ITGB3BP: variants seen among roughly 807,000 people sequenced by gnomAD.
ITGB3BP encodes centromere protein R.
ITGB3BP carries 27 observed loss-of-function variants against 29.1 expected under a neutral mutation model. The observed-to-expected ratio is 0.93, with a 90% confidence interval of 0.68 to 1.28. The LOEUF (loss-of-function observed/expected upper bound fraction) is 1.28, where lower values mean the gene tolerates loss of function less well. ITGB3BP is among the 50% of genes most tolerant of loss of function. The pLI, the probability that ITGB3BP is intolerant of heterozygous loss-of-function variation, is 0.00. For synonymous variants in ITGB3BP, 61 were observed against 61.4 expected, an observed-to-expected ratio of 0.99 and a Z score of 0.03; for missense variants, 192 against 200.2, an observed-to-expected ratio of 0.96 and a Z score of 0.25.
Position 63,490,157 on chromosome 1 carries a change from C to G in ITGB3BP, c.110G>C (p.Gly37Ala), listed in dbSNP as rs1645615774. 1.2e-6 allele frequency: 2 copies of G among 1,603,248 alleles called. No homozygotes were observed. Among genetic ancestry groups the G allele is most frequent in the African/African-American group, 2.7e-5 (2 of 74,724 alleles). ...KSVITYSPTTGTCQMSLFASP... is the reference protein window; with the variant it reads ...KSVITYSPTTATCQMSLFASP... Reference sequence around the variant, plus strand: ...AGCAAATAGACTCATTTGACAAGTTCCAGTTGTTGGAGAATAAGTTATAAC... The same window carrying G: ...AGCAAATAGACTCATTTGACAAGTTGCAGTTGTTGGAGAATAAGTTATAAC... The change falls in exon 3 of 9, where the codon GGA becomes GCA. Residue 37 changes from glycine to alanine, a missense_variant. Physicochemically the swap from Gly to Ala is moderately conservative, Grantham distance 60. Coordinates refer to ENST00000271002, the MANE Select transcript of ITGB3BP (RefSeq NM_014288.5).
At chr1:63,478,112 G>C (rs1227109860) in intron 4 of ITGB3BP, among the ~76,000 whole-genome samples, 2 of 152,054 alleles carry the variant, frequency 1.3e-5, no homozygotes. Flanking sequence ...TACTATATTG[G>C]TTTAGGAAAT....
chr1:63,462,945 T>C (rs1260128166), intron 4 of ITGB3BP, among the ~76,000 whole-genome samples: 3 of 152,182 alleles, frequency 2.0e-5, no homozygotes, highest in African/African-American at 7.2e-5. Flanking sequence ...TAAGAGAGAA[T>C]GAGCTAGTGA....
intron 4 of ITGB3BP, among the ~76,000 whole-genome samples, chr1:63,458,530 AT>A (rs1644967278): frequency 1.3e-5 from 2 of 152,070 alleles, no homozygotes; most frequent in South Asian, 2.1e-4. Context: ...GAACCCAGTG[AT>A]TTATAGATTC....
Position 63,496,218 on chromosome 1 carries a change from G to C in ITGB3BP, c.49-6000C>G, listed in dbSNP as rs149188936. On this transcript the variant is annotated intron_variant, in intron 2 of 8. Coordinates refer to ENST00000271002, the MANE Select transcript of ITGB3BP (RefSeq NM_014288.5). ...AGTGACCCTCCCACCTTAGCCTCCT[G>C]AGTAATTGGGACGACAGGTGCGCAC... Among the ~76,000 whole-genome samples, 1,183 of 151,860 alleles carry C rather than the reference G, an allele frequency of 7.8e-3. 13 individuals are homozygous for C. Among genetic ancestry groups the C allele is most frequent in the African/African-American group, 0.026 (1,070 of 41,390 alleles).
rs1292062124 is a variant in ITGB3BP, at chr1:63,452,991, AG to A, written c.484+926del. On this transcript the variant is annotated intron_variant, in intron 7 of 8. Coordinates refer to ENST00000271002, the MANE Select transcript of ITGB3BP (RefSeq NM_014288.5). ...ATGATTGGATGATTTCATTTGTTTT[AG>A]GAAGAGATAACACAGAATAATGAAA... 2.6e-5 allele frequency among the ~76,000 whole-genome samples: 4 copies of A among 152,208 alleles called. No homozygotes were observed. The East Asian group carries it at 7.7e-4, about 29-fold the overall frequency.
chr1:63,497,926 C>CCT (rs10639330), intron 2 of ITGB3BP, among the ~76,000 whole-genome samples: 143,114 of 152,090 alleles, frequency 0.94, 67,997 homozygotes, highest in Non-Finnish European at 1. Context: ...TTCCTTTCCC[C>CCT]CTTTTTCTTT....
intron 2 of ITGB3BP, among the ~76,000 whole-genome samples, chr1:63,503,906 G>GCCTGATTGCCCTGGCCAGAAC (rs1557648458): frequency 5.3e-5 from 8 of 150,874 alleles, no homozygotes; most frequent in African/African-American, 1.2e-4. Flanking sequence ...TGCTGTTTTG[G>GCCTGATTGCCCTGGCCAGAAC]TTACTGTAGC....
At chr1:63,526,155 T>C (rs763898628), upstream of ITGB3BP, among the ~76,000 whole-genome samples, 35 of 152,188 alleles carry the variant, frequency 2.3e-4, no homozygotes, top group Non-Finnish European at 4.6e-4. Context: ...TCTGAAAAAG[T>C]GAAGTACTGA....
chr1:63,500,962 G>T (rs1275694295), intron 2 of ITGB3BP, among the ~76,000 whole-genome samples: 1 of 152,102 alleles, frequency 6.6e-6, no homozygotes, highest in Non-Finnish European at 1.5e-5. Flanking sequence ...CATATATATA[G>T]ATAGACAAAT....
intron 1 of ITGB3BP, among the ~76,000 whole-genome samples, chr1:63,513,065 G>C (rs562040522): frequency 6.6e-6 from 1 of 152,126 alleles, no homozygotes; most frequent in African/African-American, 2.4e-5. Flanking sequence ...ATCCTTCTGA[G>C]AGCATAACTT....
chr1:63,471,252 T>A (rs1645191315), intron 4 of ITGB3BP, among the ~76,000 whole-genome samples: 1 of 149,142 alleles, frequency 6.7e-6, no homozygotes, highest in Non-Finnish European at 1.5e-5. Flanking sequence ...CAAGGTCCAG[T>A]CCTCTAAAAG....
In ITGB3BP at chr1:63,523,202, C is replaced by T; in HGVS notation, c.-69G>A. 2 of 1,609,280 alleles carry T rather than the reference C, an allele frequency of 1.2e-6. No individual in the cohort carries two copies. Among genetic ancestry groups the T allele is most frequent in the Non-Finnish European group, 1.7e-6 (2 of 1,177,120 alleles). On this transcript the variant is annotated 5_prime_UTR_variant, in exon 1 of 9. Transcript: ENST00000271002. ...CCAGCAACTTCCGAAAACAGAAAATCCGCCAAAGGAAACGCCAAGGCATGA... is the reference window on the plus strand; with the variant it reads ...CCAGCAACTTCCGAAAACAGAAAATTCGCCAAAGGAAACGCCAAGGCATGA...
intron 1 of ITGB3BP, among the ~76,000 whole-genome samples, chr1:63,510,538 G>T (rs1048626641): frequency 6.6e-6 from 1 of 152,114 alleles, no homozygotes; most frequent in African/African-American, 2.4e-5. Flanking sequence ...TTTACTGAGG[G>T]TAGTGTACTA....
chr1:63,476,895 A>C (rs943152542), intron 4 of ITGB3BP, among the ~76,000 whole-genome samples: 1 of 152,232 alleles, frequency 6.6e-6, no homozygotes, highest in Admixed American at 6.5e-5. Flanking sequence ...TCCTGTGTAC[A>C]TATATTTCCT....
chr1:63,452,697 A>T (rs1644879126), intron 7 of ITGB3BP, among the ~76,000 whole-genome samples: 1 of 151,414 alleles, frequency 6.6e-6, no homozygotes, highest in South Asian at 2.1e-4. Flanking sequence ...ATGTTCTTAA[A>T]TTCTTGGCAT....
chr1:63,466,056 A>C (rs1304183648), intron 4 of ITGB3BP, among the ~76,000 whole-genome samples: 1 of 152,146 alleles, frequency 6.6e-6, no homozygotes, highest in African/African-American at 2.4e-5. Flanking sequence ...TTTTTCCTCA[A>C]ATGCAGCTGA....
intron 2 of ITGB3BP, among the ~76,000 whole-genome samples, chr1:63,493,929 T>C (rs549567568): frequency 1.3e-5 from 2 of 152,220 alleles, no homozygotes; most frequent in African/African-American, 4.8e-5. Context: ...TCTGGTCAAC[T>C]AGAAACAAAA....
rs114258391 is a variant in ITGB3BP, at chr1:63,450,287, C to G, written c.485-3431G>C. On this transcript the variant is annotated intron_variant, in intron 7 of 8. Coordinates refer to ENST00000271002, the MANE Select transcript of ITGB3BP (RefSeq NM_014288.5). ...ATACTGCAACCTACACAATTATTCT[C>G]AAAACAGATAAAATATGTTTTGGAC... 7.2e-3 allele frequency among the ~76,000 whole-genome samples: 1,091 copies of G among 152,026 alleles called. 11 individuals are homozygous for G. The highest frequency in any genetic ancestry group is 0.025 in the African/African-American group (1,055 of 41,562).
At chr1:63,513,623 A>C (rs1420240878) in intron 1 of ITGB3BP, among the ~76,000 whole-genome samples, 1 of 151,900 alleles carries the variant, frequency 6.6e-6, no homozygotes, top group Non-Finnish European at 1.5e-5. Flanking sequence ...AACACACATC[A>C]CACACACACA....
Sources: gnomAD v4.1 joint callset for allele counts (sites outside exome capture counted in the v4.1 genomes callset) on GRCh38, gnomAD v4.1.1 for gene constraint, MANE v1.5 for transcripts, NCBI Gene and HGNC (gene_info 2026-07-23, HGNC 2026-07-21) for gene names.